Variants in ZMAT4 observed in about 807,000 individuals in gnomAD.
The protein encoded by ZMAT4 is zinc finger matrin-type 4, also known as zinc finger matrin-type protein 4.
A neutral mutation model predicts 28.7 loss-of-function variants in ZMAT4; 17 were observed. That is an observed-to-expected ratio of 0.59 (90% CI 0.41 to 0.89). ZMAT4 has a LOEUF of 0.89. Ranked by LOEUF, ZMAT4 falls within the 40% of genes least tolerant of loss-of-function variation. ZMAT4 has a pLI of 0.00. For missense variants in ZMAT4, 240 were observed against 283.8 expected (o/e 0.85, Z 1.11); for synonymous variants, 117 against 109.2 (o/e 1.07, Z -0.44).
chr8:40,762,253 G>T (rs986682468), intron 3 of ZMAT4, among the ~76,000 whole-genome samples: 7 of 152,126 alleles, frequency 4.6e-5, no homozygotes, highest in Admixed American at 3.9e-4. Context: ...TTGGAAATGG[G>T]GTCTTGCACA....
intron 3 of ZMAT4, among the ~76,000 whole-genome samples, chr8:40,702,912 G>A (rs966560167): frequency 2.6e-5 from 4 of 152,148 alleles, no homozygotes; most frequent in Non-Finnish European, 5.9e-5. Flanking sequence ...GTAATGGAGC[G>A]ATGGAAAACA....
At position 40,674,947 on chromosome 8, in the gene ZMAT4, A is replaced by T. The variant is rs750462260; in HGVS notation, c.350-16T>A. On this transcript the variant is annotated splice_polypyrimidine_tract_variant and intron_variant, in intron 4 of 6. Coordinates refer to ENST00000297737, the MANE Select transcript of ZMAT4 (RefSeq NM_024645.3). ...AGGGGTGTTGCTGTGAAAGGAAACA[A>T]CCAGAGAACCACAGCCACGTTAGTC... The T allele has an allele frequency of 1.2e-5, 20 of 1,602,614 alleles. No individual in the cohort carries two copies. Among genetic ancestry groups the T allele is most frequent in the Non-Finnish European group, 1.5e-5 (18 of 1,172,700 alleles).
At chr8:40,748,567 C>T (rs567110929) in intron 3 of ZMAT4, among the ~76,000 whole-genome samples, 8 of 152,170 alleles carry the variant, frequency 5.3e-5, no homozygotes, top group Non-Finnish European at 1.2e-4. Flanking sequence ...GGGGCTGGAT[C>T]ACAGCCAAGT....
chr8:40,803,823 C>T (rs1186862226), intron 2 of ZMAT4, among the ~76,000 whole-genome samples: 1 of 152,186 alleles, frequency 6.6e-6, no homozygotes, highest in Non-Finnish European at 1.5e-5. Context: ...AACTTGGAAG[C>T]AACCAAGAGG....
chr8:40,599,561 G>A (rs1211717396), intron 5 of ZMAT4, among the ~76,000 whole-genome samples: 2 of 152,120 alleles, frequency 1.3e-5, no homozygotes, highest in African/African-American at 4.8e-5. Context: ...TCCTCCCCTT[G>A]GTAAAAATAG....
At chr8:40,623,328 G>T (rs535846989) in intron 5 of ZMAT4, among the ~76,000 whole-genome samples, 47 of 152,274 alleles carry the variant, frequency 3.1e-4, no homozygotes, top group African/African-American at 1.1e-3. Flanking sequence ...CCTACTCTAG[G>T]CAAACACTGT....
chr8:40,743,884 G>A (rs1213219867), intron 3 of ZMAT4, among the ~76,000 whole-genome samples: 1 of 152,160 alleles, frequency 6.6e-6, no homozygotes, highest in Non-Finnish European at 1.5e-5. Flanking sequence ...TGGCCTTCGT[G>A]GTACAGGTGC....
intron 5 of ZMAT4, among the ~76,000 whole-genome samples, chr8:40,618,765 A>C (rs1245544538): frequency 6.6e-6 from 1 of 151,968 alleles, no homozygotes; most frequent in Admixed American, 6.6e-5. Flanking sequence ...CACTGCAGGC[A>C]CCTGAAAAGC....
chr8:40,620,982 T>A (rs1446194197), intron 5 of ZMAT4, among the ~76,000 whole-genome samples: 1 of 152,212 alleles, frequency 6.6e-6, no homozygotes, highest in Non-Finnish European at 1.5e-5. Context: ...ATGGACTTAT[T>A]TATATTCTAA....
In ZMAT4 at chr8:40,674,753, A is replaced by AAC; in HGVS notation, c.526_527dup (p.Ala177LeufsTer4). 1 of 1,614,002 alleles carries AAC rather than the reference A, an allele frequency of 6.2e-7. No individual in the cohort carries two copies. The highest frequency in any genetic ancestry group is 8.5e-7 in the Non-Finnish European group (1 of 1,179,928). ...TTGTCCCCAGTTGTTCTAACAAAGC[A>AAC]ACTCTTGCCGCATTCTTTTTGTGTT... is the stretch of plus-strand genomic sequence containing the variant. On this transcript the variant is annotated frameshift_variant, in exon 5 of 7. Coordinates refer to ENST00000297737, the MANE Select transcript of ZMAT4 (RefSeq NM_024645.3). LOFTEE classifies it high-confidence loss of function.
intron 6 of ZMAT4, among the ~76,000 whole-genome samples, chr8:40,555,609 T>A (rs1010401429): frequency 3.9e-5 from 6 of 152,174 alleles, no homozygotes; most frequent in African/African-American, 1.4e-4. Flanking sequence ...TTTCTCAATG[T>A]CACACAGCTA....
intron 1 of ZMAT4, among the ~76,000 whole-genome samples, chr8:40,881,552 AAG>A (rs1818258452): frequency 1.2e-5 from 1 of 85,068 alleles, no homozygotes; most frequent in Non-Finnish European, 2.5e-5. Context: ...GAAAGAAAGA[AAG>A]AAAGAAAGAA....
intron 1 of ZMAT4, among the ~76,000 whole-genome samples, chr8:40,830,531 T>C (rs1430195165): frequency 6.6e-6 from 1 of 152,234 alleles, no homozygotes; most frequent in Non-Finnish European, 1.5e-5. Flanking sequence ...TGTGGTTGTG[T>C]GGTATTCCAT....
intron 2 of ZMAT4, among the ~76,000 whole-genome samples, chr8:40,814,290 C>G (rs1315778450): frequency 6.6e-6 from 1 of 152,216 alleles, no homozygotes; most frequent in Non-Finnish European, 1.5e-5. Context: ...CACTCAAGCC[C>G]ACCTACTTTG....
chr8:40,703,429 A>G (rs1810227416), intron 3 of ZMAT4, among the ~76,000 whole-genome samples: 1 of 152,250 alleles, frequency 6.6e-6, no homozygotes, highest in Non-Finnish European at 1.5e-5. Context: ...TACTGTATGG[A>G]TGAATCTTGA....
intron 6 of ZMAT4, among the ~76,000 whole-genome samples, chr8:40,559,063 C>T (rs2118455866): frequency 6.6e-6 from 1 of 152,268 alleles, no homozygotes; most frequent in East Asian, 1.9e-4. Context: ...TCTTCAGCAG[C>T]TAACAAGCAC....
intron 3 of ZMAT4, among the ~76,000 whole-genome samples, chr8:40,766,231 T>G (rs920042372): frequency 6.6e-6 from 1 of 152,228 alleles, no homozygotes; most frequent in Admixed American, 6.5e-5. Flanking sequence ...TAAACACTTA[T>G]GCTGTGATAT....
intron 1 of ZMAT4, among the ~76,000 whole-genome samples, chr8:40,892,469 T>C (rs561074988): frequency 3.9e-5 from 6 of 152,100 alleles, no homozygotes; most frequent in Non-Finnish European, 7.4e-5. Flanking sequence ...TGGAGTGGAG[T>C]GCATGGTGTT....
Position 40,540,044 on chromosome 8 carries a change from T to C in ZMAT4, c.675-7806A>G, listed in dbSNP as rs1300827648. On this transcript the variant is annotated intron_variant, in intron 6 of 6. Coordinates refer to ENST00000297737, the MANE Select transcript of ZMAT4 (RefSeq NM_024645.3). ...CAATACTTCAGTCATACCTAAGTAA[T>C]GAAAGCATAATAAAACTCTGGACAC... 5.3e-5 allele frequency among the ~76,000 whole-genome samples: 8 copies of C among 152,306 alleles called. No homozygotes were observed. In the South Asian group the frequency reaches 1.2e-3, roughly 24 times the overall value.
Sources: gnomAD v4.1 joint callset for allele counts (sites outside exome capture counted in the v4.1 genomes callset) on GRCh38, gnomAD v4.1.1 for gene constraint, MANE v1.5 for transcripts, NCBI Gene and HGNC (gene_info 2026-07-23, HGNC 2026-07-21) for gene names.